The following PDE10A variants were observed in gnomAD, a reference collection of about 807,000 sequenced individuals.
The protein encoded by PDE10A is cAMP and cAMP-inhibited cGMP 3',5'-cyclic phosphodiesterase 10A.
In PDE10A, 39 loss-of-function variants were observed where a neutral mutation model predicts 97.7. That is an observed-to-expected ratio of 0.40 (90% confidence interval 0.31 to 0.52). The LOEUF (loss-of-function observed/expected upper bound fraction) is 0.52, where lower values mean the gene tolerates loss of function less well. PDE10A is among the 20% of genes least tolerant of loss of function. The pLI is 0.56. For synonymous variants in PDE10A, 371 were observed against 376.8 expected (o/e 0.98, Z 0.18); for missense variants, 731 against 1,047.8 (o/e 0.70, Z 4.17).
At chr6:165,717,337 T>A (rs1792049398) in intron 1 of PDE10A, among the ~76,000 whole-genome samples, 1 of 152,192 alleles carries the variant, frequency 6.6e-6, no homozygotes, top group South Asian at 2.1e-4. Context: ...ACGCCTCTAA[T>A]CCCAGCATTT....
chr6:165,682,351 C>T (rs1483156639), intron 1 of PDE10A, among the ~76,000 whole-genome samples: 2 of 152,118 alleles, frequency 1.3e-5, no homozygotes, highest in Non-Finnish European at 2.9e-5. Context: ...CCTGGTTGGT[C>T]TCAAACTCCT....
At chr6:165,572,671 T>A (rs1465446177) in intron 1 of PDE10A, among the ~76,000 whole-genome samples, 11 of 152,210 alleles carry the variant, frequency 7.2e-5, no homozygotes, top group African/African-American at 2.7e-4. Context: ...AAGCCAAGGC[T>A]GGAGGCCTGT....
chr6:165,666,466 A>C (rs568175954), upstream of PDE10A, among the ~76,000 whole-genome samples: 1 of 152,342 alleles, frequency 6.6e-6, no homozygotes, highest in African/African-American at 2.4e-5. Context: ...AGCTCAATAA[A>C]ATTATGTGCG....
chr6:165,525,252 G>A (rs370957372), intron 2 of PDE10A, among the ~76,000 whole-genome samples: 1 of 152,114 alleles, frequency 6.6e-6, no homozygotes, highest in Non-Finnish European at 1.5e-5. Flanking sequence ...TGGATATTAA[G>A]GGTATGGGAT....
intron 3 of PDE10A, among the ~76,000 whole-genome samples, chr6:165,465,529 C>T (rs577165248): frequency 7.9e-5 from 12 of 152,226 alleles, no homozygotes; most frequent in South Asian, 4.1e-4. Context: ...TTCCTTCTCA[C>T]GCTGCTATGA....
chr6:165,651,482 T>A (rs903564382), intron 1 of PDE10A, among the ~76,000 whole-genome samples: 4 of 152,322 alleles, frequency 2.6e-5, no homozygotes, highest in African/African-American at 9.6e-5. Context: ...AGGGAGTTGT[T>A]AACATGGTGT....
chr6:165,680,121 A>G (rs563097736), intron 1 of PDE10A, among the ~76,000 whole-genome samples: 1 of 152,180 alleles, frequency 6.6e-6, no homozygotes, highest in Admixed American at 6.5e-5. Context: ...ACTGAGATGG[A>G]AAAAGAAAAC....
At position 165,806,654 on chromosome 6, in the gene PDE10A, C is replaced by G. The variant is rs552039300; in HGVS notation, c.-615+180875G>C. Among the ~76,000 whole-genome samples, 223 of 151,918 alleles carry G rather than the reference C, an allele frequency of 1.5e-3. 1 individual carries two copies. Among genetic ancestry groups the G allele is most frequent in the African/African-American group, 5.1e-3 (213 of 41,490 alleles). Reference sequence around the variant, plus strand: ...GCTGCATGGCTCTGCTGAGCGCCCCCCCCCAGGCTCTTCTTTAGACTTTGA... The same window carrying G: ...GCTGCATGGCTCTGCTGAGCGCCCCGCCCCAGGCTCTTCTTTAGACTTTGA... On this transcript the variant is annotated intron_variant, in intron 1 of 19. Transcript: ENST00000366882.
intron 1 of PDE10A, among the ~76,000 whole-genome samples, chr6:165,729,251 C>G (rs955444761): frequency 6.6e-6 from 1 of 151,398 alleles, no homozygotes; most frequent in South Asian, 2.1e-4. Context: ...TCAGTGAAAC[C>G]GAATATCAAC....
chr6:165,539,758 T>TA (rs11419681), intron 2 of PDE10A, among the ~76,000 whole-genome samples: 22,799 of 146,160 alleles, frequency 0.16, 3,298 homozygotes, highest in African/African-American at 0.37. Context: ...CTGTCTCTAA[T>TA]AAAAAAAAAA....
At chr6:165,436,600 A>G (rs1168919497) in intron 5 of PDE10A, among the ~76,000 whole-genome samples, 1 of 152,142 alleles carries the variant, frequency 6.6e-6, no homozygotes, top group Non-Finnish European at 1.5e-5. Context: ...CTTAAATTGT[A>G]TTTGCTATTA....
At chr6:165,692,160 G>A (rs182571753) in intron 1 of PDE10A, among the ~76,000 whole-genome samples, 1 of 152,196 alleles carries the variant, frequency 6.6e-6, no homozygotes, top group East Asian at 1.9e-4. Context: ...AGCGTGACAG[G>A]GAGGGTGGGG....
intron 1 of PDE10A, among the ~76,000 whole-genome samples, chr6:165,845,540 A>C (rs117258088): frequency 6.6e-6 from 1 of 152,202 alleles, no homozygotes; most frequent in Non-Finnish European, 1.5e-5. Context: ...AAACCCACTT[A>C]TGTGGGAAAA....
rs534387870 is a variant in PDE10A at position 165,873,583 on chromosome 6, A to T, written c.-615+113946T>A. Among the ~76,000 whole-genome samples the T allele has an allele frequency of 5.9e-5, 9 of 152,348 alleles. 1 individual carries two copies. In the South Asian group the frequency reaches 1.4e-3, roughly 25 times the overall value. ...AAAAACTGAGCTTTGTATTACAGAT[A>T]GCCTTTAAAGATTTTTTTCTTAACT... On this transcript the variant is annotated intron_variant, in intron 1 of 19. Transcript: ENST00000366882.
At chr6:165,465,335 T>A (rs1778576547) in intron 3 of PDE10A, among the ~76,000 whole-genome samples, 1 of 152,114 alleles carries the variant, frequency 6.6e-6, no homozygotes, top group Admixed American at 6.6e-5. Context: ...CTTTAAAAAA[T>A]TTTAAAATCC....
At chr6:165,892,661 G>C (rs1357396580) in intron 1 of PDE10A, among the ~76,000 whole-genome samples, 1 of 152,126 alleles carries the variant, frequency 6.6e-6, no homozygotes, top group Non-Finnish European at 1.5e-5. Context: ...GAGTGGCCGT[G>C]TCTCCCTCCC....
chr6:165,681,631 T>C (rs1790980912), intron 1 of PDE10A, among the ~76,000 whole-genome samples: 1 of 152,218 alleles, frequency 6.6e-6, no homozygotes, highest in African/African-American at 2.4e-5. Flanking sequence ...GAATCTACAA[T>C]TATTTTATAT....
intron 1 of PDE10A, among the ~76,000 whole-genome samples, chr6:165,838,905 T>G (rs1445861445): frequency 1.3e-5 from 2 of 152,226 alleles, no homozygotes; most frequent in Admixed American, 1.3e-4. Flanking sequence ...TTTCTGGGCC[T>G]GGTTTCCAGG....
intron 1 of PDE10A, among the ~76,000 whole-genome samples, chr6:165,640,911 A>T (rs1271619204): frequency 6.6e-6 from 1 of 152,260 alleles, no homozygotes; most frequent in Non-Finnish European, 1.5e-5. Context: ...GGAAATATTC[A>T]GAATAGTTGC....
Sources: gnomAD v4.1 joint callset for allele counts (sites outside exome capture counted in the v4.1 genomes callset) on GRCh38, gnomAD v4.1.1 for gene constraint, MANE v1.5 for transcripts, NCBI Gene and HGNC (gene_info 2026-07-23, HGNC 2026-07-21) for gene names.